Variants in EHD4 observed in about 807,000 individuals in gnomAD.
The protein encoded by EHD4 is EH domain containing 4.
A neutral mutation model predicts 51.0 loss-of-function variants in EHD4; 37 were observed. The ratio of observed to expected loss-of-function variants is 0.73; its 90% CI spans 0.56 to 0.95. EHD4 has a LOEUF of 0.95. EHD4 is among the 40% of genes least tolerant of loss of function. EHD4 has a pLI of 0.00. For missense variants in EHD4, 632 were observed against 733.1 expected (o/e 0.86, Z 1.59); for synonymous variants, 297 against 317.3 (o/e 0.94, Z 0.68).
intron 1 of EHD4, among the ~76,000 whole-genome samples, chr15:41,964,062 G>GT (rs2067945163): frequency 6.8e-6 from 1 of 146,850 alleles, no homozygotes; most frequent in South Asian, 2.3e-4. Flanking sequence ...GGAGAATGGC[G>GT]TGAACCTGGG....
At chr15:41,934,655 G>A (rs919149047) in intron 3 of EHD4, among the ~76,000 whole-genome samples, 1 of 152,104 alleles carries the variant, frequency 6.6e-6, no homozygotes, top group Non-Finnish European at 1.5e-5. Flanking sequence ...ACTGTCTGTG[G>A]ACCCTGGGGC....
intron 2 of EHD4, among the ~76,000 whole-genome samples, chr15:41,948,123 GA>G (rs1350481215): frequency 1.3e-5 from 2 of 152,080 alleles, no homozygotes; most frequent in Non-Finnish European, 2.9e-5. Flanking sequence ...GTGTGGTGGT[GA>G]GCACCTGTAA....
At chr15:41,923,914 T>A (rs1293781218) in intron 3 of EHD4, among the ~76,000 whole-genome samples, 1 of 152,216 alleles carries the variant, frequency 6.6e-6, no homozygotes, top group Non-Finnish European at 1.5e-5. Context: ...CCTTCCTCTA[T>A]GGTCTAGACT....
intron 2 of EHD4, among the ~76,000 whole-genome samples, chr15:41,947,418 A>G (rs2067822941): frequency 6.6e-6 from 1 of 152,162 alleles, no homozygotes; most frequent in Middle Eastern, 3.2e-3. Flanking sequence ...TCTCTGAGCA[A>G]TTCTACCAGG....
intron 3 of EHD4, chr15:41,942,067 T>G (rs2665213): frequency 0.55 from 83,193 of 151,952 alleles, 23,780 homozygotes; most frequent in African/African-American, 0.72. Flanking sequence ...CAACCCGCCT[T>G]TGTTTCAAGG....
chr15:41,918,217 T>TACAC (rs10682608), intron 4 of EHD4, among the ~76,000 whole-genome samples: 6,494 of 147,342 alleles, frequency 0.044, 190 homozygotes, highest in African/African-American at 0.056. Flanking sequence ...CAGGGAGCTT[T>TACAC]ACACACACAC....
intron 3 of EHD4, chr15:41,928,366 CAG>C (rs1423015137): frequency 1.3e-5 from 2 of 152,138 alleles, no homozygotes. Context: ...AAAAAAGACT[CAG>C]AGAGGTTAAG....
At chr15:41,956,929 T>C (rs2067891846) in intron 1 of EHD4, among the ~76,000 whole-genome samples, 1 of 152,224 alleles carries the variant, frequency 6.6e-6, no homozygotes, top group Non-Finnish European at 1.5e-5. Context: ...GAATCATCAA[T>C]GCTGGCAAGG....
chr15:41,906,221 C>T (rs982447058), intron 5 of EHD4, among the ~76,000 whole-genome samples: 1 of 152,140 alleles, frequency 6.6e-6, no homozygotes, highest in Admixed American at 6.5e-5. Flanking sequence ...ATATACCTAC[C>T]CTTCCCTAAT....
At chr15:41,937,113 C>T (rs991294703) in intron 3 of EHD4, among the ~76,000 whole-genome samples, 1 of 152,224 alleles carries the variant, frequency 6.6e-6, no homozygotes, top group Admixed American at 6.5e-5. Context: ...ACGCCTGTGG[C>T]TGCATGTTCT....
intron 1 of EHD4, among the ~76,000 whole-genome samples, chr15:41,969,138 C>A (rs535789665): frequency 3.5e-4 from 53 of 152,306 alleles, no homozygotes; most frequent in African/African-American, 1.3e-3. Context: ...TGCTCTCTAC[C>A]CTTTTAAAGC....
intron 4 of EHD4, among the ~76,000 whole-genome samples, chr15:41,917,170 G>C (rs1258017445): frequency 1.3e-5 from 2 of 151,782 alleles, no homozygotes; most frequent in Admixed American, 6.6e-5. Flanking sequence ...GCCTAGGCTG[G>C]AGTGCAGTGG....
chr15:41,940,211 A>G (rs1361073208), intron 3 of EHD4, among the ~76,000 whole-genome samples: 1 of 152,220 alleles, frequency 6.6e-6, no homozygotes, highest in Non-Finnish European at 1.5e-5. Context: ...CCTCCTTCCC[A>G]GGCACAATGC....
chr15:41,907,433 G>A (rs956652571), intron 5 of EHD4, among the ~76,000 whole-genome samples: 1 of 152,138 alleles, frequency 6.6e-6, no homozygotes, highest in African/African-American at 2.4e-5. Flanking sequence ...AATACCACCT[G>A]GTGACCAGAA....
Position 41,972,528 on chromosome 15 carries a change from C to A in EHD4, c.-34G>T. Reference sequence around the variant, plus strand: ...CAGTCCACGCTCGGATGGGACCCTGCTCCGGGTTCGACTCTCCCCGGCTCG... The same window carrying A: ...CAGTCCACGCTCGGATGGGACCCTGATCCGGGTTCGACTCTCCCCGGCTCG... On this transcript the variant is annotated 5_prime_UTR_variant, in exon 1 of 6. Coordinates refer to ENST00000220325, the MANE Select transcript of EHD4 (RefSeq NM_139265.4). 1 of 1,460,002 alleles carries A rather than the reference C, an allele frequency of 6.8e-7. No individual in the cohort carries two copies. The highest frequency in any genetic ancestry group is 9.0e-7 in the Non-Finnish European group (1 of 1,110,736). The allele number at this position is 1,460,002 out of a possible 1,614,324, so 90.4% of individuals were successfully genotyped here.
At chr15:41,913,501 A>G (rs956483137) in intron 4 of EHD4, among the ~76,000 whole-genome samples, 4 of 125,560 alleles carry the variant, frequency 3.2e-5, no homozygotes, top group African/African-American at 9.4e-5. Context: ...GGGGCCAGGC[A>G]TGGCATCTCC....
At chr15:41,941,647 T>C (rs1270186395) in intron 3 of EHD4, 1 of 151,518 alleles carries the variant, frequency 6.6e-6, no homozygotes, top group African/African-American at 2.4e-5. Context: ...GTGACCTTAA[T>C]GGCATTCCAT....
chr15:41,917,996 G>GTGTT lies in EHD4; in HGVS notation c.924+1210_924+1213dup, dbSNP rs558289853. On this transcript the variant is annotated intron_variant, in intron 4 of 5. Transcript: ENST00000220325. Reference sequence around the variant, plus strand: ...GTGAGGGGCAGCAGCAGCCAGGACGGTGTTTGTTTTCACCCAGGCAAGAGG... The same window carrying GTGTT: ...GTGAGGGGCAGCAGCAGCCAGGACGGTGTTTGTTTGTTTTCACCCAGGCAAGAGG... Among the ~76,000 whole-genome samples the GTGTT allele has an allele frequency of 2.0e-5, 3 of 152,286 alleles. No individual in the cohort carries two copies. The East Asian group carries it at 5.8e-4, about 29-fold the overall frequency.
chr15:41,972,126 G>A (rs2068000657), intron 1 of EHD4, 133 bp downstream of exon 1: 2 of 916,446 alleles, frequency 2.2e-6, no homozygotes, highest in East Asian at 4.7e-5. Context: ...CGAGGGCACC[G>A]GGCGCCGAGC....
Sources: allele counts gnomAD v4.1 joint callset (sites outside exome capture counted in the v4.1 genomes callset), GRCh38; gene constraint gnomAD v4.1.1; transcripts MANE v1.5; gene names NCBI Gene and HGNC (gene_info 2026-07-23, HGNC 2026-07-21).